The following AR variants were observed in gnomAD, a reference collection of about 807,000 sequenced individuals.
AR encodes the protein androgen receptor.
Under a neutral mutation model 53.9 loss-of-function variants are expected in AR, and 8 were observed. The observed-to-expected ratio is 0.15, with a 90% confidence interval of 0.09 to 0.27. The LOEUF is 0.27. Among genes scored for constraint, AR ranks in the 10% least tolerant of loss-of-function variants. The pLI is 1.00. For missense variants in AR, 639 were observed against 742.5 expected (o/e 0.86, Z 1.62); for synonymous variants, 359 against 316.4 (o/e 1.13, Z -1.43).
rs1929590795 is a variant in AR at position 67,544,037 on chromosome X, TC to T, written c.-1107del. ...CCACCTCCCAGCGCCCCCTCCGAGATCCCGGGGAGCCAGCTTGCTGGGAGAG... is the reference window on the plus strand; with the variant it reads ...CCACCTCCCAGCGCCCCCTCCGAGATCCGGGGAGCCAGCTTGCTGGGAGAG... On this transcript the variant is annotated 5_prime_UTR_variant, in exon 1 of 8. Coordinates refer to ENST00000374690, the MANE Select transcript of AR (RefSeq NM_000044.6). 1 of 166,254 alleles carries T rather than the reference TC, an allele frequency of 6.0e-6. No individual in the cohort carries two copies. The highest frequency in any genetic ancestry group is 1.2e-5 in the Non-Finnish European group (1 of 86,797). The allele number at this position is 166,254 out of a possible 1,213,427, so 13.7% of individuals were successfully genotyped here. A position where few individuals can be genotyped will look rare whatever the true frequency, so the allele number is the denominator to read the frequency against.
In AR at chrX:67,674,493, C is replaced by G. The variant is rs747386706; in HGVS notation, c.1769-11517C>G. On this transcript the variant is annotated intron_variant, in intron 2 of 7. Coordinates refer to ENST00000374690, the MANE Select transcript of AR (RefSeq NM_000044.6). ...GCCAAGGCCTCGAGCTGTGACTGAGCTGGCACCCAATCCATAAGACAAAGA... is the reference window on the plus strand; with the variant it reads ...GCCAAGGCCTCGAGCTGTGACTGAGGTGGCACCCAATCCATAAGACAAAGA... Among the ~76,000 whole-genome samples, 9 of 111,161 alleles carry G rather than the reference C, an allele frequency of 8.1e-5. No homozygotes were observed. In the East Asian group the frequency reaches 2.6e-3, roughly 32 times the overall value.
chrX:67,678,108 A>G (rs748714414), intron 2 of AR, among the ~76,000 whole-genome samples: 2 of 110,205 alleles, frequency 1.8e-5, no homozygotes, highest in East Asian at 2.9e-4. Flanking sequence ...GGACTAAATC[A>G]GTAGGTCTCT....
At chrX:67,649,544 C>A (rs909839082) in intron 2 of AR, among the ~76,000 whole-genome samples, 1 of 112,071 alleles carries the variant, frequency 8.9e-6, no homozygotes, top group Non-Finnish European at 1.9e-5. Flanking sequence ...CTGTTGTTTC[C>A]TGACTTTTTA....
chrX:67,594,289 C>T (rs1315649006), intron 1 of AR, among the ~76,000 whole-genome samples: 1 of 112,252 alleles, frequency 8.9e-6, no homozygotes, highest in Admixed American at 9.4e-5. Context: ...CCACTACACT[C>T]ACCCTATTTT....
intron 1 of AR, among the ~76,000 whole-genome samples, chrX:67,577,873 A>C (rs751980533): frequency 9.0e-6 from 1 of 111,479 alleles, no homozygotes; most frequent in Non-Finnish European, 1.9e-5. Context: ...GATGTTTGTC[A>C]TTTTAGGGAT....
At chrX:67,693,221 T>G (rs1475328880) in intron 3 of AR, among the ~76,000 whole-genome samples, 2 of 112,458 alleles carry the variant, frequency 1.8e-5, no homozygotes, top group African/African-American at 3.2e-5. Flanking sequence ...GTTTTTAAAG[T>G]GTAATAGCAA....
intron 1 of AR, among the ~76,000 whole-genome samples, chrX:67,626,433 TCTC>T (rs1190954071): frequency 1.5e-5 from 1 of 67,680 alleles, no homozygotes; most frequent in Non-Finnish European, 3.1e-5. Flanking sequence ...TGACAGGCTC[TCTC>T]TTTTTTTTTT....
At chrX:67,633,701 G>A (rs1237701101) in intron 1 of AR, among the ~76,000 whole-genome samples, 1 of 111,508 alleles carries the variant, frequency 9.0e-6, no homozygotes, top group African/African-American at 3.3e-5. Flanking sequence ...ACAAAATGTG[G>A]TATATCCATG....
intron 7 of AR, among the ~76,000 whole-genome samples, chrX:67,723,387 C>T (rs915924397): frequency 8.8e-5 from 8 of 91,188 alleles, no homozygotes; most frequent in Non-Finnish European, 1.5e-4. Flanking sequence ...AGATGGAGTG[C>T]GGAGGCTTGG....
chrX:67,725,816 C>T lies in AR; in HGVS notation c.*1975C>T. ...TGGTTGGTGTGGCTCCAATACTTTG[C>T]CACCCATGAACTCAGGGTGTGCCCT... On this transcript the variant is annotated 3_prime_UTR_variant, in exon 8 of 8. Transcript: ENST00000374690. 5.7e-6 allele frequency: 1 copy of T among 175,661 alleles called. No individual in the cohort carries two copies. The highest frequency in any genetic ancestry group is 7.8e-5 in the Admixed American group (1 of 12,886). The allele number at this position is 175,661 out of a possible 1,213,427, so 14.5% of individuals were successfully genotyped here.
chrX:67,670,512 C>T (rs1437945156), intron 2 of AR, among the ~76,000 whole-genome samples: 9 of 105,622 alleles, frequency 8.5e-5, no homozygotes, highest in Non-Finnish European at 1.5e-4. Flanking sequence ...AGCAGCTATA[C>T]TAATATATTA....
At chrX:67,681,336 C>T (rs2075932727) in intron 2 of AR, among the ~76,000 whole-genome samples, 1 of 111,586 alleles carries the variant, frequency 9.0e-6, no homozygotes, top group Non-Finnish European at 1.9e-5. Flanking sequence ...AGGATTACAT[C>T]CCATTTACAC....
At chrX:67,717,896 A>T (rs1244414082) in intron 5 of AR, among the ~76,000 whole-genome samples, 1 of 112,028 alleles carries the variant, frequency 8.9e-6, no homozygotes. Flanking sequence ...TTATCTCAAA[A>T]CCACATGGAA....
intron 2 of AR, among the ~76,000 whole-genome samples, chrX:67,664,832 A>C (rs1051755741): frequency 8.9e-6 from 1 of 112,234 alleles, no homozygotes; most frequent in African/African-American, 3.2e-5. Context: ...CCCCTCCCCC[A>C]GCCTCGCTGC....
chrX:67,683,407 A>C (rs756331478), intron 2 of AR, among the ~76,000 whole-genome samples: 3 of 111,985 alleles, frequency 2.7e-5, no homozygotes, highest in Non-Finnish European at 5.6e-5. Flanking sequence ...TAAAAAAAAA[A>C]AACTCTGTAA....
Position 67,717,474 on chromosome X carries a change from C to T in AR, c.2174-4C>T, listed in dbSNP as rs56001004. On this transcript the variant is annotated splice_polypyrimidine_tract_variant and splice_region_variant and intron_variant, in intron 4 of 7. Transcript: ENST00000374690. Reference sequence around the variant, plus strand: ...GACCACTGCCTCTGCCTCTTCTTCTCCAGGCTTCCGCAACTTACACGTGGA... The same window carrying T: ...GACCACTGCCTCTGCCTCTTCTTCTTCAGGCTTCCGCAACTTACACGTGGA... The T allele has an allele frequency of 2.5e-6, 3 of 1,211,601 alleles. No individual in the cohort carries two copies. Among genetic ancestry groups the T allele is most frequent in the Non-Finnish European group, 3.4e-6 (3 of 895,484 alleles).
chrX:67,626,386 A>G (rs1028557981), intron 1 of AR, among the ~76,000 whole-genome samples: 1 of 106,443 alleles, frequency 9.4e-6, no homozygotes, highest in African/African-American at 3.4e-5. Flanking sequence ...ATTTCACATA[A>G]CATAACGAAC....
chrX:67,593,000 C>A (rs190361942), intron 1 of AR, among the ~76,000 whole-genome samples: 1 of 112,120 alleles, frequency 8.9e-6, no homozygotes, highest in African/African-American at 3.2e-5. Context: ...CCAAAGTCTA[C>A]AATGTAACTC....
At chrX:67,705,769 A>G (rs1424391646) in intron 3 of AR, among the ~76,000 whole-genome samples, 2 of 111,391 alleles carry the variant, frequency 1.8e-5, no homozygotes, top group Admixed American at 9.6e-5. Flanking sequence ...TCAGTATGAT[A>G]TTGGCTGTGG....
Sources: allele counts gnomAD v4.1 joint callset (sites outside exome capture counted in the v4.1 genomes callset), GRCh38; gene constraint gnomAD v4.1.1; transcripts MANE v1.5; gene names NCBI Gene and HGNC (gene_info 2026-07-23, HGNC 2026-07-21).